Variants in TBL1XR1 observed in about 807,000 individuals in gnomAD.
TBL1XR1 encodes the protein F-box-like/WD repeat-containing protein TBL1XR1.
TBL1XR1 carries 5 observed loss-of-function variants against 66.9 expected under a neutral mutation model. The ratio of observed to expected loss-of-function variants is 0.07; its 90% CI spans 0.04 to 0.16. TBL1XR1 has a LOEUF of 0.16. TBL1XR1 is among the 10% of genes least tolerant of loss of function. The pLI is 1.00. For missense variants in TBL1XR1, 238 were observed against 623.2 expected (o/e 0.38, Z 6.58); for synonymous variants, 210 against 206.0 (o/e 1.02, Z -0.17).
intron 1 of TBL1XR1, among the ~76,000 whole-genome samples, chr3:177,143,210 AAC>A (rs1469609728): frequency 3.9e-5 from 6 of 152,052 alleles, no homozygotes; most frequent in South Asian, 4.1e-4. Flanking sequence ...TTTAAACAGA[AAC>A]ACACAGTTAC....
At chr3:177,190,002 G>A (rs913891321) in intron 1 of TBL1XR1, among the ~76,000 whole-genome samples, 11 of 150,744 alleles carry the variant, frequency 7.3e-5, no homozygotes, top group African/African-American at 1.5e-4. Context: ...GCGTGTAAGC[G>A]GACACCTGTA....
At chr3:177,083,952 G>A (rs1413893100) in intron 2 of TBL1XR1, among the ~76,000 whole-genome samples, 1 of 151,820 alleles carries the variant, frequency 6.6e-6, no homozygotes, top group African/African-American at 2.4e-5. Context: ...GCTGGGCGTG[G>A]TGGCGGGCAC....
At position 177,089,754 on chromosome 3, in the gene TBL1XR1, G is replaced by A. The variant is rs1055782997; in HGVS notation, c.-46+8712C>T. Among the ~76,000 whole-genome samples the A allele has an allele frequency of 2.0e-4, 31 of 152,078 alleles. 1 individual carries two copies. The highest frequency in any genetic ancestry group is 2.0e-3 in the Admixed American group (30 of 15,266). ...ACAAGAGGAAATAGAAGGGCTCAGG[G>A]GATTGATCGACACAGTTGGTAGACT... On this transcript the variant is annotated intron_variant, in intron 2 of 15. Transcript: ENST00000457928.
intron 1 of TBL1XR1, among the ~76,000 whole-genome samples, chr3:177,170,390 C>G (rs1177272904): frequency 6.6e-6 from 1 of 152,124 alleles, no homozygotes; most frequent in African/African-American, 2.4e-5. Context: ...CTTCTTCCCC[C>G]ACCCCTCCAC....
intron 1 of TBL1XR1, among the ~76,000 whole-genome samples, chr3:177,160,001 G>C (rs1731983406): frequency 6.6e-6 from 1 of 152,186 alleles, no homozygotes; most frequent in Non-Finnish European, 1.5e-5. Flanking sequence ...TAGTGGTGAA[G>C]AGCAAGGCTA....
intron 1 of TBL1XR1, among the ~76,000 whole-genome samples, chr3:177,156,514 T>TAC (rs1193060285): frequency 1.1e-3 from 69 of 60,504 alleles, no homozygotes; most frequent in Non-Finnish European, 2.6e-3. Context: ...ATTATATATA[T>TAC]ACATACACAC....
At chr3:177,101,568 C>A (rs1311897973) in intron 1 of TBL1XR1, among the ~76,000 whole-genome samples, 1 of 152,190 alleles carries the variant, frequency 6.6e-6, no homozygotes, top group African/African-American at 2.4e-5. Context: ...GCAAAAGGGA[C>A]CTGAGCTGAC....
intron 14 of TBL1XR1, among the ~76,000 whole-genome samples, chr3:177,030,393 AGTG>A (rs1713810412): frequency 6.6e-6 from 1 of 152,208 alleles, no homozygotes; most frequent in Middle Eastern, 3.4e-3. Context: ...ATTTCAAAGA[AGTG>A]GTAAAAAACA....
At chr3:177,089,498 A>G (rs1722565295) in intron 2 of TBL1XR1, among the ~76,000 whole-genome samples, 1 of 152,192 alleles carries the variant, frequency 6.6e-6, no homozygotes, top group Admixed American at 6.5e-5. Flanking sequence ...AGTCCAACTG[A>G]ACAAAAAAAT....
At chr3:177,149,805 T>A (rs1730675771) in intron 1 of TBL1XR1, among the ~76,000 whole-genome samples, 1 of 152,220 alleles carries the variant, frequency 6.6e-6, no homozygotes, top group African/African-American at 2.4e-5. Flanking sequence ...CAGCCGTGCT[T>A]ATTCATTTAC....
chr3:177,139,635 C>A (rs1729402143), intron 1 of TBL1XR1, among the ~76,000 whole-genome samples: 2 of 146,724 alleles, frequency 1.4e-5, no homozygotes, highest in African/African-American at 2.5e-5. Flanking sequence ...AAACGTTTCC[C>A]AGAAAGTAAA....
rs1281741651 is a variant in TBL1XR1, at chr3:177,197,151, C to G, written c.-152G>C. The G allele has an allele frequency of 6.5e-6, 1 of 153,280 alleles. No individual in the cohort carries two copies. Among genetic ancestry groups the G allele is most frequent in the Non-Finnish European group, 1.5e-5 (1 of 68,620 alleles). The allele number at this position is 153,280 out of a possible 1,614,324, so 9.5% of individuals were successfully genotyped here. A position where few individuals can be genotyped will look rare whatever the true frequency, so the allele number is the denominator to read the frequency against. ...AACGGTGGCCTCCAACGCCGCTCCC[C>G]CCTCCCGGGAATGGAGGCACAAGGA... On this transcript the variant is annotated 5_prime_UTR_variant, in exon 1 of 16. Transcript: ENST00000457928.
upstream of TBL1XR1, chr3:177,201,660 AACTT>A (rs904649145): frequency 6.6e-6 from 1 of 152,208 alleles, no homozygotes; most frequent in African/African-American, 2.4e-5. Flanking sequence ...ATTCAAAACA[AACTT>A]AATTGTATAA....
Position 177,112,074 on chromosome 3 carries a change from A to AATATAT in TBL1XR1, c.-121-13539_-121-13534dup, listed in dbSNP as rs1170375681. On this transcript the variant is annotated intron_variant, in intron 1 of 15. Transcript: ENST00000457928. ...ATAAGACAACAAAGATATAAAATCAAATATATATATATATATATATATATA... is the reference window on the plus strand; with the variant it reads ...ATAAGACAACAAAGATATAAAATCAAATATATATATATATATATATATATATATATA... 5.6e-3 allele frequency among the ~76,000 whole-genome samples: 228 copies of AATATAT among 40,912 alleles called. 8 individuals are homozygous for AATATAT. The highest frequency in any genetic ancestry group is 0.028 in the Middle Eastern group (1 of 36). 26.8% of individuals were successfully genotyped at this position (40,912 alleles called of 152,430 possible).
chr3:177,131,126 G>A (rs957992071), intron 1 of TBL1XR1, among the ~76,000 whole-genome samples: 1 of 152,172 alleles, frequency 6.6e-6, no homozygotes, highest in Non-Finnish European at 1.5e-5. Context: ...AAGCACAATG[G>A]CAACAGAAAC....
At chr3:177,183,635 G>A (rs1179776828) in intron 1 of TBL1XR1, among the ~76,000 whole-genome samples, 1 of 150,768 alleles carries the variant, frequency 6.6e-6, no homozygotes, top group African/African-American at 2.4e-5. Flanking sequence ...CTCAGCCTCC[G>A]CAGCTGGGAT....
intron 13 of TBL1XR1, among the ~76,000 whole-genome samples, chr3:177,033,457 A>G (rs1477649553): frequency 6.6e-6 from 1 of 152,198 alleles, no homozygotes; most frequent in Non-Finnish European, 1.5e-5. Flanking sequence ...CTCTGTCTAA[A>G]TAATCCCTCT....
intron 2 of TBL1XR1, among the ~76,000 whole-genome samples, chr3:177,072,837 G>A (rs1378111454): frequency 6.6e-6 from 1 of 152,224 alleles, no homozygotes; most frequent in Non-Finnish European, 1.5e-5. Context: ...GCCGAGGCGG[G>A]TGGATCACTT....
At chr3:177,061,304 TA>T (rs1464823542) in intron 3 of TBL1XR1, among the ~76,000 whole-genome samples, 3 of 152,194 alleles carry the variant, frequency 2.0e-5, no homozygotes, top group African/African-American at 7.2e-5. Flanking sequence ...CAACAGATAG[TA>T]TCTTATAGTA....
Sources: gnomAD v4.1 joint callset for allele counts (sites outside exome capture counted in the v4.1 genomes callset) on GRCh38, gnomAD v4.1.1 for gene constraint, MANE v1.5 for transcripts, NCBI Gene and HGNC (gene_info 2026-07-23, HGNC 2026-07-21) for gene names.